Variants in CDIN1 observed in about 807,000 individuals in gnomAD.
The protein encoded by CDIN1 is CDAN1-interacting nuclease 1.
A neutral mutation model predicts 45.3 loss-of-function variants in CDIN1; 33 were observed. The observed-to-expected ratio is 0.73, with a 90% confidence interval of 0.55 to 0.97. CDIN1 has a LOEUF of 0.97. Among genes scored for constraint, CDIN1 ranks in the 50% least tolerant of loss-of-function variants. The probability of loss-of-function intolerance (pLI) is 0.00; values close to 1 mark genes in which losing one functional copy is unlikely to be tolerated. For missense variants in CDIN1, 303 were observed against 339.4 expected, an observed-to-expected ratio of 0.89 and a Z score of 0.84; for synonymous variants, 118 against 124.4, an observed-to-expected ratio of 0.95 and a Z score of 0.34.
At chr15:36,673,589 C>G (rs2041531077) in intron 5 of CDIN1, among the ~76,000 whole-genome samples, 1 of 151,960 alleles carries the variant, frequency 6.6e-6, no homozygotes, top group African/African-American at 2.4e-5. Flanking sequence ...GAGAAAAATG[C>G]AAATTTCTTG....
intron 10 of CDIN1, among the ~76,000 whole-genome samples, chr15:36,789,700 C>G (rs1465163679): frequency 6.6e-6 from 1 of 152,176 alleles, no homozygotes; most frequent in African/African-American, 2.4e-5. Flanking sequence ...TAAAATTATG[C>G]CCCACACATG....
intron 1 of CDIN1, among the ~76,000 whole-genome samples, chr15:36,602,983 CAA>C (rs60188895): frequency 6.9e-5 from 9 of 130,064 alleles, no homozygotes; most frequent in African/African-American, 1.1e-4. Flanking sequence ...GACTCCGTCT[CAA>C]AAAAAAAAAA....
intron 10 of CDIN1, among the ~76,000 whole-genome samples, chr15:36,791,177 T>TA (rs199694143): frequency 0.012 from 1,790 of 152,308 alleles, 31 homozygotes; most frequent in African/African-American, 0.042. Context: ...CAGCCCATCT[T>TA]ACATATGCCA....
At chr15:36,792,194 C>T (rs2054662885) in intron 10 of CDIN1, among the ~76,000 whole-genome samples, 1 of 152,160 alleles carries the variant, frequency 6.6e-6, no homozygotes, top group African/African-American at 2.4e-5. Context: ...CAAACCGCAG[C>T]CCCAGCCCTG....
At chr15:36,718,759 T>A (rs1362366745) in intron 10 of CDIN1, among the ~76,000 whole-genome samples, 1 of 150,812 alleles carries the variant, frequency 6.6e-6, no homozygotes, top group Non-Finnish European at 1.5e-5. Flanking sequence ...ATTTTCTACA[T>A]AGACAACTAT....
chr15:36,687,834 C>T (rs898260384), intron 5 of CDIN1, among the ~76,000 whole-genome samples: 1 of 151,942 alleles, frequency 6.6e-6, no homozygotes, highest in Non-Finnish European at 1.5e-5. Flanking sequence ...AAAACATTAA[C>T]AAAAATTGAT....
At chr15:36,715,196 A>G (rs529461488) in intron 10 of CDIN1, among the ~76,000 whole-genome samples, 9 of 145,980 alleles carry the variant, frequency 6.2e-5, no homozygotes, top group African/African-American at 2.5e-4. Flanking sequence ...GCTGAGTTCT[A>G]TCTGTCAGAT....
At chr15:36,590,535 G>A (rs745620049) in intron 1 of CDIN1, among the ~76,000 whole-genome samples, 2 of 152,256 alleles carry the variant, frequency 1.3e-5, no homozygotes, top group East Asian at 1.9e-4. Context: ...AATTCTGTGC[G>A]AAGCCCAGTC....
intron 8 of CDIN1, among the ~76,000 whole-genome samples, chr15:36,697,896 T>A (rs2042492867): frequency 1.3e-5 from 2 of 152,150 alleles, no homozygotes; most frequent in Admixed American, 1.3e-4. Context: ...TATTCATGTG[T>A]TTGTGTATTA....
chr15:36,645,122 ATG>A, intron 2 of CDIN1, 99 bp from the exon 3 acceptor site: 1 of 880,476 alleles, frequency 1.1e-6, no homozygotes, highest in Non-Finnish European at 1.8e-6. Flanking sequence ...AGTGTTCCCT[ATG>A]TGCTAGTCAC....
intron 10 of CDIN1, among the ~76,000 whole-genome samples, chr15:36,785,274 A>G (rs547284313): frequency 6.6e-6 from 1 of 152,296 alleles, no homozygotes; most frequent in South Asian, 2.1e-4. Context: ...AATTTAGTAA[A>G]TTGCAAAAAG....
intron 5 of CDIN1, among the ~76,000 whole-genome samples, chr15:36,679,552 G>A (rs1294780476): frequency 6.6e-6 from 1 of 152,092 alleles, no homozygotes; most frequent in Admixed American, 6.6e-5. Context: ...TATCCTTACT[G>A]CCTGTCTGTT....
chr15:36,595,335 A>ATATAG (rs1386709521), intron 1 of CDIN1, among the ~76,000 whole-genome samples: 2 of 147,938 alleles, frequency 1.4e-5, no homozygotes, highest in African/African-American at 4.9e-5. Context: ...ATATAATATA[A>ATATAG]TATAAAATAA....
intron 1 of CDIN1, among the ~76,000 whole-genome samples, chr15:36,598,834 T>C (rs1036050544): frequency 2.6e-5 from 4 of 152,162 alleles, no homozygotes; most frequent in Admixed American, 2.6e-4. Flanking sequence ...TTTGTTTTTT[T>C]GTTTGTTTTG....
In CDIN1 at chr15:36,808,768, A is replaced by G. The variant is rs562983796; in HGVS notation, c.*315A>G. ...ATGGTTTATCCTTGTATGCTGAACAAAAGAAAAAATGTGAAGACTGAAAGG... is the reference window on the plus strand; with the variant it reads ...ATGGTTTATCCTTGTATGCTGAACAGAAGAAAAAATGTGAAGACTGAAAGG... On this transcript the variant is annotated 3_prime_UTR_variant, in exon 11 of 11. Transcript: ENST00000566621. The G allele has an allele frequency of 2.2e-6, 1 of 457,904 alleles. No homozygotes were observed. The highest frequency in any genetic ancestry group is 1.7e-5 in the South Asian group (1 of 58,842). The allele number at this position is 457,904 out of a possible 1,614,324, so 28.4% of individuals were successfully genotyped here.
Position 36,751,229 on chromosome 15 carries a change from T to TTATATATATATATATATATATATA in CDIN1, c.716+41276_716+41299dup, listed in dbSNP as rs10557235. Among the ~76,000 whole-genome samples, 94 of 97,530 alleles carry TTATATATATATATATATATATATA rather than the reference T, an allele frequency of 9.6e-4. 1 individual carries two copies. The highest frequency in any genetic ancestry group is 5.4e-3 in the Middle Eastern group (1 of 186). 64.0% of individuals were successfully genotyped at this position (97,530 alleles called of 152,430 possible). A position where few individuals can be genotyped will look rare whatever the true frequency, so the allele number is the denominator to read the frequency against. Reference sequence around the variant, plus strand: ...ATAAAAGCATATATATATGCTTATTTTATATATATATATATATATATATAT... The same window carrying TTATATATATATATATATATATATA: ...ATAAAAGCATATATATATGCTTATTTTATATATATATATATATATATATATATATATATATATATATATATATAT... On this transcript the variant is annotated intron_variant, in intron 10 of 10. Transcript: ENST00000566621.
At chr15:36,652,767 T>G (rs1005672963) in intron 3 of CDIN1, among the ~76,000 whole-genome samples, 2 of 152,188 alleles carry the variant, frequency 1.3e-5, no homozygotes, top group African/African-American at 4.8e-5. Context: ...TACCCCACTT[T>G]GCTTACAGGA....
intron 1 of CDIN1, chr15:36,618,813 A>G: frequency 1.3e-6 from 1 of 799,336 alleles, no homozygotes. Flanking sequence ...GTTCAGAAGG[A>G]TGGTCTCAAC....
At chr15:36,623,696 T>C (rs149852969) in intron 1 of CDIN1, among the ~76,000 whole-genome samples, 33 of 152,370 alleles carry the variant, frequency 2.2e-4, no homozygotes, top group African/African-American at 7.5e-4. Flanking sequence ...TGAACTCGAC[T>C]TTCTGGTCCT....
Sources: allele counts gnomAD v4.1 joint callset (sites outside exome capture counted in the v4.1 genomes callset), GRCh38; gene constraint gnomAD v4.1.1; transcripts MANE v1.5; gene names NCBI Gene and HGNC (gene_info 2026-07-23, HGNC 2026-07-21).